Variants in CASD1 observed in about 807,000 individuals in gnomAD.
The protein encoded by CASD1 is CAS1 domain sialic acid O acetyltransferase 1.
CASD1 carries 41 observed loss-of-function variants against 100.0 expected under a neutral mutation model. That is an observed-to-expected ratio of 0.41 (90% CI 0.32 to 0.53). The LOEUF (loss-of-function observed/expected upper bound fraction) is 0.53. Ranked by LOEUF, CASD1 falls within the 20% of genes least tolerant of loss-of-function variation. The pLI is 0.25. For missense variants in CASD1, 774 were observed against 948.7 expected, an observed-to-expected ratio of 0.82 and a Z score of 2.42; for synonymous variants, 321 against 315.6, an observed-to-expected ratio of 1.02 and a Z score of -0.18.
chr7:94,562,283 G>C, the CASD1 span, among the ~76,000 whole-genome samples: 1 of 152,108 alleles, frequency 6.6e-6, no homozygotes, highest in African/African-American at 2.4e-5. Flanking sequence ...ATATACTTCA[G>C]ATGATGTTAT....
At chr7:94,600,695 C>T in the CASD1 span, 3 of 1,613,752 alleles carry the variant, frequency 1.9e-6, no homozygotes, top group East Asian at 6.7e-5. Flanking sequence ...AGAAAAAGGA[C>T]CAGTGCCACT....
At chr7:94,511,532 A>G (rs767752354) in intron 1 of CASD1, among the ~76,000 whole-genome samples, 13 of 152,228 alleles carry the variant, frequency 8.5e-5, no homozygotes, top group Non-Finnish European at 1.6e-4. Flanking sequence ...GATCACAGCC[A>G]TACGACCTTG....
chr7:94,527,595 A>G (rs1461602766), intron 4 of CASD1, among the ~76,000 whole-genome samples: 2 of 152,214 alleles, frequency 1.3e-5, no homozygotes, highest in East Asian at 1.9e-4. Context: ...AAGAGGGGCA[A>G]TGGGAATGTG....
chr7:94,604,343 G>T, the CASD1 span, among the ~76,000 whole-genome samples: 1 of 151,900 alleles, frequency 6.6e-6, no homozygotes, highest in Non-Finnish European at 1.5e-5. Flanking sequence ...AATTCTAGCT[G>T]CCTTCTTTGC....
rs1554408947 is a variant in CASD1, at chr7:94,528,227, C to G, written c.436C>G (p.Gln146Glu). The change falls in exon 5 of 18, where the codon CAG becomes GAG. Residue 146 changes from glutamine to glutamate, a missense_variant. Physicochemically the swap from Gln to Glu is conservative, Grantham distance 29. Around this residue, in one of 5 missense-constraint regions of CASD1, gnomAD observed 453 missense variants for 532.6 expected, o/e 0.85. Transcript: ENST00000297273. Reference sequence around the variant, plus strand: ...TCCTGAAGTTAATGGTTCTATGAAACAGTGTATCAAAGTGTGGACTGAGGT... The same window carrying G: ...TCCTGAAGTTAATGGTTCTATGAAAGAGTGTATCAAAGTGTGGACTGAGGT... ...WHPEVNGSMK[Q>E]CIKVWTEDSI... 1.1e-5 allele frequency: 17 copies of G among 1,607,038 alleles called. No individual in the cohort carries two copies. In the Admixed American group the frequency reaches 2.4e-4, roughly 22 times the overall value.
intron 14 of CASD1, among the ~76,000 whole-genome samples, chr7:94,549,869 A>G (rs1047840145): frequency 2.8e-4 from 42 of 152,038 alleles, no homozygotes; most frequent in African/African-American, 9.7e-4. Context: ...TATCTATAAC[A>G]TGGCCTTTGT....
the CASD1 span, chr7:94,627,805 T>A: frequency 5.0e-6 from 1 of 200,826 alleles, no homozygotes; most frequent in South Asian, 8.5e-5. Flanking sequence ...CCTAAGCACC[T>A]ATCACAATGC....
At chr7:94,519,599 A>G (rs1794153738) in intron 3 of CASD1, among the ~76,000 whole-genome samples, 2 of 152,162 alleles carry the variant, frequency 1.3e-5, no homozygotes, top group Admixed American at 6.5e-5. Flanking sequence ...TGTAGAGAAG[A>G]CTCAGAACTA....
the CASD1 span, chr7:94,585,255 A>G: frequency 2.2e-6 from 1 of 448,072 alleles, no homozygotes; most frequent in African/African-American, 2.0e-5. Flanking sequence ...TATTTTAAAG[A>G]TCAACTTTTA....
chr7:94,537,864 G>T lies in CASD1; in HGVS notation c.1236G>T (p.Leu412Phe). ...FFIPIIYILV[L>F]GVFYNENTKE... ...TTCCAATTATCTACATTTTGGTTTT[G>T]GGAGTATTTTATAATGAAAATACTA... is the stretch of plus-strand genomic sequence containing the variant. Residue 412 changes from leucine (L) to phenylalanine (F), a missense_variant, in exon 9 of 18, where the codon TTG (leucine) becomes TTT (phenylalanine). Transcript: ENST00000297273. The T allele has an allele frequency of 6.5e-7, 1 of 1,543,590 alleles. No individual in the cohort carries two copies. The highest frequency in any genetic ancestry group is 1.1e-5 in the South Asian group (1 of 89,112).
At chr7:94,539,662 C>T (rs181786302) in intron 10 of CASD1, among the ~76,000 whole-genome samples, 1 of 126,364 alleles carries the variant, frequency 7.9e-6, no homozygotes, top group East Asian at 2.5e-4. Flanking sequence ...GAGTGAGACT[C>T]CGTCTCAAAA....
At chr7:94,615,596 T>C in the CASD1 span, among the ~76,000 whole-genome samples, 3 of 152,046 alleles carry the variant, frequency 2.0e-5, no homozygotes, top group African/African-American at 7.2e-5. Flanking sequence ...AAGCAGACAA[T>C]CAGTGGGAGT....
chr7:94,532,158 C>T (rs1018564367), intron 5 of CASD1, among the ~76,000 whole-genome samples: 2 of 152,022 alleles, frequency 1.3e-5, no homozygotes, highest in African/African-American at 4.8e-5. Context: ...TTCCAAGACC[C>T]TAGCATGTGC....
chr7:94,519,650 A>G (rs149110917), intron 3 of CASD1, among the ~76,000 whole-genome samples: 2 of 152,116 alleles, frequency 1.3e-5, no homozygotes, highest in Non-Finnish European at 2.9e-5. Context: ...AAAAATTTTA[A>G]TAAACTTTTA....
chr7:94,511,012 G>T (rs986692203), intron 1 of CASD1, among the ~76,000 whole-genome samples: 3 of 152,218 alleles, frequency 2.0e-5, no homozygotes, highest in Non-Finnish European at 2.9e-5. Context: ...GTGTAAAGGG[G>T]AAAAGGAAAT....
intron 13 of CASD1, among the ~76,000 whole-genome samples, chr7:94,547,941 G>T: frequency 1.3e-5 from 2 of 148,838 alleles, no homozygotes; most frequent in East Asian, 2.0e-4. Context: ...TGCCGTTTGG[G>T]TTTTTTTTTT....
At chr7:94,539,608 G>T (rs1795287603) in intron 10 of CASD1, among the ~76,000 whole-genome samples, 1 of 147,744 alleles carries the variant, frequency 6.8e-6, no homozygotes, top group South Asian at 2.1e-4. Flanking sequence ...GATAGAGGTT[G>T]CAATGAGCCG....
At chr7:94,591,338 G>A in the CASD1 span, among the ~76,000 whole-genome samples, 1 of 152,072 alleles carries the variant, frequency 6.6e-6, no homozygotes, top group South Asian at 2.1e-4. Context: ...ACTGATCTGG[G>A]TCTATTCTAC....
intron 3 of CASD1, among the ~76,000 whole-genome samples, chr7:94,524,651 C>T (rs1324214821): frequency 6.6e-6 from 1 of 152,062 alleles, no homozygotes; most frequent in Non-Finnish European, 1.5e-5. Context: ...AATTCTTACT[C>T]TTTTGTTAAG....
Sources: gnomAD v4.1 joint callset for allele counts (sites outside exome capture counted in the v4.1 genomes callset) on GRCh38, gnomAD v4.1.1 for gene constraint, gnomAD v4.1.1 regional missense constraint, MANE v1.5 for transcripts, NCBI Gene and HGNC (gene_info 2026-07-23, HGNC 2026-07-21) for gene names.